The following SV2C variants were observed in gnomAD, a reference collection of about 807,000 sequenced individuals.
SV2C encodes synaptic vesicle glycoprotein 2C.
In SV2C, 49 loss-of-function variants were observed where a neutral mutation model predicts 79.7. The observed-to-expected ratio is 0.61, with a 90% confidence interval of 0.49 to 0.78. The LOEUF is 0.78. SV2C is among the 30% of genes least tolerant of loss of function. SV2C has a pLI of 0.00. For missense variants in SV2C, 833 were observed against 912.9 expected (o/e 0.91, Z 1.13); for synonymous variants, 334 against 333.2 (o/e 1.00, Z -0.03).
At chr5:76,223,397 C>T (rs1381621558) in intron 4 of SV2C, among the ~76,000 whole-genome samples, 1 of 137,632 alleles carries the variant, frequency 7.3e-6, no homozygotes, top group African/African-American at 2.8e-5. Context: ...CACTGCACTC[C>T]AGCCTGGGTG....
the SV2C span, among the ~76,000 whole-genome samples, chr5:76,021,030 A>G: frequency 6.6e-6 from 1 of 152,218 alleles, no homozygotes; most frequent in Non-Finnish European, 1.5e-5. Flanking sequence ...TACAGCATTT[A>G]GTTAATACAC....
chr5:76,082,641 C>A (rs996771118), upstream of SV2C, among the ~76,000 whole-genome samples: 3 of 150,556 alleles, frequency 2.0e-5, no homozygotes, highest in African/African-American at 7.3e-5. Context: ...TCCACCCCCC[C>A]CCCCTCATAT....
intron 2 of SV2C, among the ~76,000 whole-genome samples, chr5:76,142,903 C>CTTTTTTTTTTTTTTTTTTTTTTTT (rs372569739): frequency 8.9e-5 from 12 of 134,572 alleles, no homozygotes; most frequent in South Asian, 2.5e-4. Flanking sequence ...TTTTCTTTTC[C>CTTTTTTTTTTTTTTTTTTTTTTTT]TTTTTTTTTG....
chr5:76,254,240 G>GTATATA (rs67420685), intron 4 of SV2C, among the ~76,000 whole-genome samples: 6 of 65,404 alleles, frequency 9.2e-5, no homozygotes, highest in African/African-American at 3.3e-4. Context: ...ATGTGTGTGT[G>GTATATA]TATATATATA....
At chr5:75,883,832 TATA>T in the SV2C span, among the ~76,000 whole-genome samples, 1,836 of 147,270 alleles carry the variant, frequency 0.012, 54 homozygotes, top group African/African-American at 0.046. Flanking sequence ...AAATTTAAAG[TATA>T]ATAATATTTA....
chr5:76,017,478 G>A, the SV2C span, among the ~76,000 whole-genome samples: 3 of 152,020 alleles, frequency 2.0e-5, no homozygotes, highest in Admixed American at 1.3e-4. Flanking sequence ...AGTAGAGATG[G>A]GGTTTCACCA....
the SV2C span, among the ~76,000 whole-genome samples, chr5:76,018,920 T>C: frequency 6.6e-6 from 1 of 152,180 alleles, no homozygotes; most frequent in Non-Finnish European, 1.5e-5. Flanking sequence ...TGGGTCGATA[T>C]AAAACGTAAC....
At chr5:75,989,059 C>CT in the SV2C span, among the ~76,000 whole-genome samples, 1 of 151,818 alleles carries the variant, frequency 6.6e-6, no homozygotes, top group Non-Finnish European at 1.5e-5. Flanking sequence ...AAGTGGAGTT[C>CT]TTTTTTTCGA....
At chr5:76,000,776 T>C in the SV2C span, among the ~76,000 whole-genome samples, 1 of 152,316 alleles carries the variant, frequency 6.6e-6, no homozygotes, top group Admixed American at 6.5e-5. Context: ...GGATTTATAG[T>C]TCGGCTTCTG....
intron 2 of SV2C, among the ~76,000 whole-genome samples, chr5:76,134,402 CCATTTT>C (rs1561230821): frequency 6.6e-6 from 1 of 152,104 alleles, no homozygotes; most frequent in African/African-American, 2.4e-5. Flanking sequence ...AATTGTTTTG[CCATTTT>C]CATTTCATCG....
At chr5:76,305,101 A>G (rs959501432) in intron 12 of SV2C, among the ~76,000 whole-genome samples, 1 of 152,110 alleles carries the variant, frequency 6.6e-6, no homozygotes, top group Non-Finnish European at 1.5e-5. Context: ...TCAAACAACC[A>G]TAGCTCACAG....
At chr5:76,185,076 C>CA (rs1743870229) in intron 2 of SV2C, among the ~76,000 whole-genome samples, 1 of 152,238 alleles carries the variant, frequency 6.6e-6, no homozygotes, top group Non-Finnish European at 1.5e-5. Context: ...GAAGGGGCTA[C>CA]AGGCCCCATG....
chr5:76,154,519 A>T (rs1561240017), intron 2 of SV2C, among the ~76,000 whole-genome samples: 1 of 152,192 alleles, frequency 6.6e-6, no homozygotes, highest in African/African-American at 2.4e-5. Context: ...CTCAGAGCTC[A>T]TCCTGAGTGC....
rs1335294533 is a variant in SV2C, at chr5:76,333,450, C to T, written c.*7903C>T. On this transcript the variant is annotated 3_prime_UTR_variant, in exon 13 of 13. Coordinates refer to ENST00000502798, the MANE Select transcript of SV2C (RefSeq NM_014979.4). ...TTTGAACATATGCTAAACGTACTAT[C>T]CACTGTCTATTTTAATGAGATCTTG... 1 of 152,152 alleles carries T rather than the reference C, an allele frequency of 6.6e-6. No homozygotes were observed. The highest frequency in any genetic ancestry group is 6.5e-5 in the Admixed American group (1 of 15,272). 9.4% of individuals were successfully genotyped at this position (152,152 alleles called of 1,614,324 possible).
At chr5:75,868,386 A>G in the SV2C span, among the ~76,000 whole-genome samples, 1 of 152,282 alleles carries the variant, frequency 6.6e-6, no homozygotes, top group East Asian at 1.9e-4. Context: ...GAGTAATGCA[A>G]ACAGATTTGT....
intron 9 of SV2C, among the ~76,000 whole-genome samples, chr5:76,296,756 A>G (rs533391940): frequency 2.0e-4 from 30 of 152,322 alleles, no homozygotes; most frequent in African/African-American, 7.2e-4. Context: ...ATGAAAAAGA[A>G]TTCAGTGGGA....
the SV2C span, among the ~76,000 whole-genome samples, chr5:75,865,643 C>A: frequency 6.6e-6 from 1 of 152,144 alleles, no homozygotes; most frequent in African/African-American, 2.4e-5. Context: ...AATAGCCTTG[C>A]CAACTGTTCA....
At chr5:76,038,025 C>G in the SV2C span, among the ~76,000 whole-genome samples, 1 of 152,320 alleles carries the variant, frequency 6.6e-6, no homozygotes, top group African/African-American at 2.4e-5. Context: ...TCTGTCACCA[C>G]TTTCTTTGAC....
In SV2C at chr5:76,146,133, G is replaced by C. The variant is rs901126287; in HGVS notation, c.580+13803G>C. On this transcript the variant is annotated intron_variant, in intron 2 of 12. Transcript: ENST00000502798. ...GTGTCATGAAGCTACTCACCTGGAG[G>C]GGGCATCAGCATCTCCTGCCTCTTA... 3.9e-5 allele frequency among the ~76,000 whole-genome samples: 6 copies of C among 152,134 alleles called. No individual in the cohort carries two copies. The East Asian group carries it at 1.2e-3, about 29-fold the overall frequency.
Sources: allele counts gnomAD v4.1 joint callset (sites outside exome capture counted in the v4.1 genomes callset), GRCh38; gene constraint gnomAD v4.1.1; transcripts MANE v1.5; gene names NCBI Gene and HGNC (gene_info 2026-07-23, HGNC 2026-07-21).